The following DYNC1I2 variants were observed in gnomAD, a reference collection of about 807,000 sequenced individuals.
The protein encoded by DYNC1I2 is cytoplasmic dynein 1 intermediate chain 2.
Under a neutral mutation model 88.6 loss-of-function variants are expected in DYNC1I2, and 53 were observed. The observed-to-expected ratio is 0.60, with a 90% CI of 0.48 to 0.75. The LOEUF (loss-of-function observed/expected upper bound fraction) is 0.75. Among genes scored for constraint, DYNC1I2 ranks in the 30% least tolerant of loss-of-function variants. The pLI is 0.00. For synonymous variants in DYNC1I2, 198 were observed against 254.6 expected (o/e 0.78, Z 2.12); for missense variants, 458 against 766.6 (o/e 0.60, Z 4.75).
chr2:171,708,060 GTCTC>G (rs764556646), intron 5 of DYNC1I2, among the ~76,000 whole-genome samples: 35 of 145,910 alleles, frequency 2.4e-4, no homozygotes, highest in Middle Eastern at 3.5e-3. Context: ...ATTCCTCTTT[GTCTC>G]TCTCACACAC....
At chr2:171,732,658 T>G (rs1376666993) in intron 15 of DYNC1I2, among the ~76,000 whole-genome samples, 1 of 152,208 alleles carries the variant, frequency 6.6e-6, no homozygotes, top group African/African-American at 2.4e-5. Context: ...GTTCCAAGTA[T>G]TTCAGATAAA....
intron 15 of DYNC1I2, among the ~76,000 whole-genome samples, chr2:171,734,763 T>G (rs1688891712): frequency 2.6e-5 from 4 of 152,232 alleles, no homozygotes. Context: ...ATACTGTGGC[T>G]CCAGTGTCAA....
chr2:171,706,119 C>T (rs1318839693), intron 3 of DYNC1I2, among the ~76,000 whole-genome samples: 1 of 151,954 alleles, frequency 6.6e-6, no homozygotes, highest in African/African-American at 2.4e-5. Context: ...TGTGACTATC[C>T]TAAAAAACAC....
chr2:171,700,616 C>T lies in DYNC1I2; in HGVS notation c.227-5931C>T, dbSNP rs143524421. On this transcript the variant is annotated intron_variant, in intron 3 of 17. Transcript: ENST00000397119. ...GTAACTATAACCAGCTTTCAATTACCCTAGTTTTTTTGTTTTTTGTTTTTT... is the reference window on the plus strand; with the variant it reads ...GTAACTATAACCAGCTTTCAATTACTCTAGTTTTTTTGTTTTTTGTTTTTT... 4.6e-3 allele frequency among the ~76,000 whole-genome samples: 700 copies of T among 151,610 alleles called. 3 individuals are homozygous for T. Among genetic ancestry groups the T allele is most frequent in the African/African-American group, 0.016 (658 of 41,196 alleles).
chr2:171,724,970 G>A (rs187557232), intron 7 of DYNC1I2, among the ~76,000 whole-genome samples: 2 of 152,252 alleles, frequency 1.3e-5, no homozygotes, highest in East Asian at 1.9e-4. Context: ...ATTATTTTAA[G>A]TGCTTATTGC....
chr2:171,738,271 G>C (rs1257565156), intron 15 of DYNC1I2, among the ~76,000 whole-genome samples: 1 of 152,028 alleles, frequency 6.6e-6, no homozygotes, highest in Non-Finnish European at 1.5e-5. Flanking sequence ...GGTGGAGGTT[G>C]CAGTGAGCTG....
chr2:171,718,395 C>T (rs919216790), intron 7 of DYNC1I2, among the ~76,000 whole-genome samples: 1 of 151,976 alleles, frequency 6.6e-6, no homozygotes, highest in Non-Finnish European at 1.5e-5. Flanking sequence ...GTGTACAACC[C>T]ATTGTTAATA....
chr2:171,745,460 T>C (rs953466936), intron 16 of DYNC1I2, among the ~76,000 whole-genome samples: 1 of 152,354 alleles, frequency 6.6e-6, no homozygotes, highest in East Asian at 1.9e-4. Flanking sequence ...GTTTTCTTTT[T>C]AAATGGGTTT....
intron 3 of DYNC1I2, among the ~76,000 whole-genome samples, chr2:171,696,668 G>C (rs1243537795): frequency 3.3e-5 from 5 of 152,060 alleles, no homozygotes. Context: ...AATTTTCTCA[G>C]TGCCATTTGT....
At chr2:171,738,907 G>A (rs1234247275) in intron 15 of DYNC1I2, among the ~76,000 whole-genome samples, 2 of 152,126 alleles carry the variant, frequency 1.3e-5, no homozygotes, top group Non-Finnish European at 2.9e-5. Flanking sequence ...CCAGCACTTT[G>A]GGAGGCCAAG....
intron 13 of DYNC1I2, 116 bp from the exon 14 acceptor site, chr2:171,728,596 CATTTA>C: frequency 1.0e-6 from 1 of 986,258 alleles, no homozygotes; most frequent in Non-Finnish European, 1.4e-6. Flanking sequence ...AAACCTGCTT[CATTTA>C]ATTTAGATTT....
At chr2:171,706,430 G>T in intron 3 of DYNC1I2, 117 bp from the exon 4 acceptor site, 1 of 806,776 alleles carries the variant, frequency 1.2e-6, no homozygotes, top group Admixed American at 2.1e-5. Context: ...GTTAAAAGTT[G>T]AGGATCTAGG....
intron 13 of DYNC1I2, 33 bp downstream of exon 13, chr2:171,728,451 G>T: frequency 2.2e-6 from 3 of 1,347,402 alleles, no homozygotes; most frequent in Non-Finnish European, 3.1e-6. Context: ...AAATTTTGAG[G>T]CAAATGTTAT....
At position 171,726,356 on chromosome 2, in the gene DYNC1I2, TTA is replaced by T; in HGVS notation, c.870+65_870+66del. On this transcript the variant is annotated intron_variant, in intron 10 of 17. Transcript: ENST00000397119. ...TTAAAATTATAATTAGCAGGTCATT[TTA>T]TTTTAATTATGGGAATTTTGTATAA... is the stretch of plus-strand genomic sequence containing the variant. 5 of 1,116,738 alleles carry T rather than the reference TTA, an allele frequency of 4.5e-6. No individual in the cohort carries two copies. The South Asian group carries it at 7.7e-5, about 17-fold the overall frequency. The allele number at this position is 1,116,738 out of a possible 1,614,324, so 69.2% of individuals were successfully genotyped here. A position where few individuals can be genotyped will look rare whatever the true frequency, so the allele number is the denominator to read the frequency against.
intron 2 of DYNC1I2, 138 bp from the exon 3 acceptor site, chr2:171,692,639 A>T (rs554123493): frequency 3.5e-6 from 2 of 579,630 alleles, no homozygotes; most frequent in South Asian, 5.2e-5. Context: ...TTTAATGACT[A>T]TAAAAAGAAC....
At chr2:171,735,919 A>C (rs895081763) in intron 15 of DYNC1I2, among the ~76,000 whole-genome samples, 1 of 152,234 alleles carries the variant, frequency 6.6e-6, no homozygotes, top group South Asian at 2.1e-4. Flanking sequence ...CATATTTACC[A>C]TAAAATGACG....
intron 12 of DYNC1I2, 71 bp from the exon 13 acceptor site, chr2:171,728,234 A>G: frequency 2.2e-6 from 2 of 926,786 alleles, no homozygotes; most frequent in Non-Finnish European, 3.1e-6. Context: ...CAGAATGCTT[A>G]TAATTAGACT....
chr2:171,745,480 G>A (rs1689716122), intron 16 of DYNC1I2, among the ~76,000 whole-genome samples: 1 of 152,170 alleles, frequency 6.6e-6, no homozygotes, highest in Non-Finnish European at 1.5e-5. Flanking sequence ...TTGGCCATGT[G>A]TTTTCAAACA....
rs570662533 is a variant in DYNC1I2, at chr2:171,735,414, A to G, written c.1536+5561A>G. 2.6e-5 allele frequency among the ~76,000 whole-genome samples: 4 copies of G among 152,324 alleles called. No homozygotes were observed. In the South Asian group the frequency reaches 8.3e-4, roughly 32 times the overall value. ...TCAAAACTTTTTGACCACTAATGTG[A>G]CACTCAAAGGAAATGTTCATTGAAG... On this transcript the variant is annotated intron_variant, in intron 15 of 17. Transcript: ENST00000397119.
Sources: gnomAD v4.1 joint callset for allele counts (sites outside exome capture counted in the v4.1 genomes callset) on GRCh38, gnomAD v4.1.1 for gene constraint, MANE v1.5 for transcripts, NCBI Gene and HGNC (gene_info 2026-07-23, HGNC 2026-07-21) for gene names.